MPND: variants seen among roughly 807,000 people sequenced by gnomAD.
The protein encoded by MPND is MPN domain-containing protein.
Under a neutral mutation model 59.2 loss-of-function variants are expected in MPND, and 56 were observed. The observed-to-expected ratio is 0.95, with a 90% CI of 0.76 to 1.18. The LOEUF is 1.18. Among genes scored for constraint, MPND ranks in the 50% most tolerant of loss-of-function variants. The pLI is 0.00. For missense variants in MPND, 671 were observed against 676.0 expected (o/e 0.99, Z 0.08); for synonymous variants, 323 against 291.9 (o/e 1.11, Z -1.09).
chr19:4,347,132 T>G (rs1349851187), intron 3 of MPND: 1 of 151,948 alleles, frequency 6.6e-6, no homozygotes, highest in Non-Finnish European at 1.5e-5. Context: ...GCTGTAGTCT[T>G]GTGGCAGAAT....
In MPND at chr19:4,343,659, G is replaced by A. The variant is rs578125855; in HGVS notation, c.8-49G>A. 8.6e-5 allele frequency: 103 copies of A among 1,200,952 alleles called. No homozygotes were observed. In the South Asian group the frequency reaches 2.9e-3, roughly 34 times the overall value. 74.4% of individuals were successfully genotyped at this position (1,200,952 alleles called of 1,614,324 possible). ...CGCGGGGCTGCAGGGGCGCGGGGCT[G>A]CAGAGCCGTGGGGCGAGCGGCCTCC... On this transcript the variant is annotated intron_variant, in intron 1 of 12. Transcript: ENST00000599840.
chr19:4,357,057 T>C (rs1398756646), intron 8 of MPND, 196 bp from the exon 9 acceptor site: 2 of 461,040 alleles, frequency 4.3e-6, no homozygotes, highest in African/African-American at 2.0e-5. Context: ...GCATCTTTTA[T>C]ATTAAAAGAG....
chr19:4,357,895 C>T (rs4807584), intron 10 of MPND, 188 bp from the exon 11 acceptor site: 329,253 of 615,564 alleles, frequency 0.53, 89,848 homozygotes, highest in East Asian at 0.7. Flanking sequence ...CCTGGCTCTC[C>T]TCTGGGCCTC....
chr19:4,352,678 C>T (rs1029248217), intron 3 of MPND, among the ~76,000 whole-genome samples: 1 of 151,510 alleles, frequency 6.6e-6, no homozygotes, highest in Non-Finnish European at 1.5e-5. Flanking sequence ...AGAGAGACTC[C>T]GTCTCAAAAA....
rs750942590 is a variant in MPND, at chr19:4,357,361, T to C, written c.1105T>C (p.Tyr369His). The stretch of plus-strand genomic sequence containing the variant: ...GCAGGACATCGACGCACAGATGGAC[T>C]ACCAGCTGCGGCTGCAGGGCTCCAG... Reference protein sequence around the residue: ...SLQDIDAQMDYQLRLQGSSNG... With the variant: ...SLQDIDAQMDHQLRLQGSSNG... Residue 369 changes from tyrosine to histidine, a missense_variant, in exon 9 of 13, where the codon TAC becomes CAC. Physicochemically the swap from Tyr to His is moderately conservative, Grantham distance 83. Coordinates refer to ENST00000599840, the MANE Select transcript of MPND (RefSeq NM_001300862.2). 15 of 1,613,172 alleles carry C rather than the reference T, an allele frequency of 9.3e-6. 1 individual carries two copies. The South Asian group carries it at 1.6e-4, about 18-fold the overall frequency.
At position 4,359,214 on chromosome 19, in the gene MPND, G is replaced by A. The variant is rs1365416007; in HGVS notation, c.1378G>A (p.Glu460Lys). 7 of 1,613,182 alleles carry A rather than the reference G, an allele frequency of 4.3e-6. No individual in the cohort carries two copies. Among genetic ancestry groups the A allele is most frequent in the Non-Finnish European group, 5.1e-6 (6 of 1,179,828 alleles). Residue 460 changes from glutamate (E) to lysine (K), a missense_variant, in exon 12 of 13, where the codon GAA becomes AAA. Coordinates refer to ENST00000599840, the MANE Select transcript of MPND (RefSeq NM_001300862.2). ...TTCCCCTGACCTCGTGAGGCTCCAG[G>A]AACCCTGGAGCCAGGAGCACACCTA... ...KGSPDLVRLQ[E>K]PWSQEHTYLD...
chr19:4,358,365 C>T (rs1421592759), intron 11 of MPND, 193 bp downstream of exon 11: 7 of 588,310 alleles, frequency 1.2e-5, no homozygotes, highest in African/African-American at 7.5e-5. Flanking sequence ...TCTGCCCTCC[C>T]TCACCTCCCC....
chr19:4,355,300 T>C (rs1972412757), intron 8 of MPND, 127 bp downstream of exon 8: 1 of 867,472 alleles, frequency 1.2e-6, no homozygotes, highest in Non-Finnish European at 1.8e-6. Context: ...CCCGTCTGTG[T>C]GCTTGGGACC....
At position 4,359,908 on chromosome 19, in the gene MPND, C is replaced by T. The variant is rs762871369; in HGVS notation, c.1420-8C>T. ...GGCACAGCCTGAGGCCCAGCCCCCT[C>T]GTTTCAGATCTCCTTGGCCAGCAGG... On this transcript the variant is annotated splice_region_variant and splice_polypyrimidine_tract_variant and intron_variant, in intron 12 of 12. Transcript: ENST00000599840. 14 of 1,559,152 alleles carry T rather than the reference C, an allele frequency of 9.0e-6. No individual in the cohort carries two copies. The Admixed American group carries it at 9.4e-5, about 11-fold the overall frequency.
chr19:4,358,159 T>G lies in MPND; in HGVS notation c.1313T>G (p.Ile438Ser), dbSNP rs769892528. 4 of 1,551,192 alleles carry G rather than the reference T, an allele frequency of 2.6e-6. No individual in the cohort carries two copies. The highest frequency in any genetic ancestry group is 1.2e-5 in the South Asian group (1 of 84,058). ...CAGGACAGCTTCCTGACCAATGACA[T>G]CCTTCACGAGATGGTGAGCTCGCTG... ...YVQDSFLTNDILHEMMLLVEF... is the reference protein window; with the variant it reads ...YVQDSFLTNDSLHEMMLLVEF... Residue 438 changes from isoleucine (I) to serine (S), a missense_variant, in exon 11 of 13, where the codon ATC (isoleucine) becomes AGC (serine). Ile to Ser is a moderately radical substitution (Grantham distance 142, BLOSUM62 -2). Transcript: ENST00000599840.
intron 3 of MPND, chr19:4,348,966 C>A (rs1599568572): frequency 4.6e-6 from 1 of 215,872 alleles, no homozygotes; most frequent in Non-Finnish European, 9.9e-6. Flanking sequence ...CTGTTGAATT[C>A]TTATATGGAT....
At chr19:4,353,180 AG>A in intron 4 of MPND, 151 bp downstream of exon 4, 1 of 516,538 alleles carries the variant, frequency 1.9e-6, no homozygotes, top group African/African-American at 2.0e-5. Context: ...GAGCCGGACG[AG>A]GCCTGGGCTG....
At chr19:4,359,140 G>GTCCA in intron 11 of MPND, 23 bp from the exon 12 acceptor site, 1 of 1,562,334 alleles carries the variant, frequency 6.4e-7, no homozygotes, top group Non-Finnish European at 8.8e-7. Context: ...GAGCCTGGGA[G>GTCCA]TCCATGCTCC....
chr19:4,355,889 C>T (rs1568399873), intron 8 of MPND, among the ~76,000 whole-genome samples: 4 of 129,542 alleles, frequency 3.1e-5, no homozygotes, highest in African/African-American at 8.9e-5. Flanking sequence ...CATTCTCGCT[C>T]TGTCGCCCAG....
intron 8 of MPND, among the ~76,000 whole-genome samples, chr19:4,355,576 C>T (rs1226799621): frequency 6.6e-6 from 1 of 152,172 alleles, no homozygotes; most frequent in Non-Finnish European, 1.5e-5. Flanking sequence ...ACCTCGTGAT[C>T]TGCCCGCCTC....
chr19:4,352,515 T>A (rs1322957264), intron 3 of MPND, among the ~76,000 whole-genome samples: 1 of 151,932 alleles, frequency 6.6e-6, no homozygotes, highest in Non-Finnish European at 1.5e-5. Context: ...AGAAATCCCG[T>A]CTCTACTAAG....
Position 4,359,950 on chromosome 19 carries a change from G to A in MPND, c.1454G>A (p.Ser485Asn), listed in dbSNP as rs1275471002. 4 of 1,575,612 alleles carry A rather than the reference G, an allele frequency of 2.5e-6. No homozygotes were observed. Among genetic ancestry groups the A allele is most frequent in the Admixed American group, 3.6e-5 (2 of 55,698 alleles). Reference sequence around the variant, plus strand: ...GCCAGCAGGACGCCCAAGGACCAGAGCCTGTGTCACGTCCTGGAACAGGTG... The same window carrying A: ...GCCAGCAGGACGCCCAAGGACCAGAACCTGTGTCACGTCCTGGAACAGGTG... The part of the protein sequence containing the change: ...SLASRTPKDQ[S>N]LCHVLEQVCG... Residue 485 changes from serine to asparagine, a missense_variant, in exon 13 of 13, where the codon AGC becomes AAC. Coordinates refer to ENST00000599840, the MANE Select transcript of MPND (RefSeq NM_001300862.2).
intron 3 of MPND, among the ~76,000 whole-genome samples, chr19:4,346,708 C>T (rs1972193858): frequency 1.4e-5 from 2 of 137,964 alleles, no homozygotes; most frequent in Admixed American, 1.5e-4. Flanking sequence ...TGAGCTACTG[C>T]ACTGGCCGTT....
rs773837814 is a variant in MPND, at chr19:4,354,982, G to T, written c.880G>T (p.Val294Leu). ...FHSHLTRSEV[V>L]GYLGGRWDVN... ...CAGTCACCTGACACGGAGTGAGGTC[G>T]TGGGTTACCTGGGGGGCCGCTGGGA... The change falls in exon 7 of 13, where the codon GTG (valine) becomes TTG (leucine). Residue 294 changes from valine to leucine, a missense_variant. Val to Leu is a conservative substitution (Grantham distance 32). Transcript: ENST00000599840. The T allele has an allele frequency of 3.7e-6, 6 of 1,607,856 alleles. No individual in the cohort carries two copies. The highest frequency in any genetic ancestry group is 1.3e-5 in the African/African-American group (1 of 74,846).
Sources: allele counts gnomAD v4.1 joint callset (sites outside exome capture counted in the v4.1 genomes callset), GRCh38; gene constraint gnomAD v4.1.1; transcripts MANE v1.5; gene names NCBI Gene and HGNC (gene_info 2026-07-23, HGNC 2026-07-21).